Variants in KIAA0408 observed in about 807,000 individuals in gnomAD.
The protein encoded by KIAA0408 is KIAA0408, also known as uncharacterized protein KIAA0408.
Under a neutral mutation model 60.9 loss-of-function variants are expected in KIAA0408, and 51 were observed. That is an observed-to-expected ratio of 0.84 (90% CI 0.67 to 1.06). The LOEUF is 1.06. Ranked by LOEUF, KIAA0408 falls within the 50% of genes least tolerant of loss-of-function variation. KIAA0408 has a pLI of 0.00. For missense variants in KIAA0408, 787 were observed against 833.9 expected (o/e 0.94, Z 0.69); for synonymous variants, 304 against 282.4 (o/e 1.08, Z -0.77).
intron 5 of KIAA0408, among the ~76,000 whole-genome samples, chr6:127,444,935 C>A (rs1773164379): frequency 6.7e-6 from 1 of 149,364 alleles, no homozygotes. Context: ...TTCCTTCTTT[C>A]CTTTTATTTT....
chr6:127,452,375 C>G (rs1343733282), intron 2 of KIAA0408, among the ~76,000 whole-genome samples: 1 of 152,052 alleles, frequency 6.6e-6, no homozygotes, highest in African/African-American at 2.4e-5. Flanking sequence ...AACAGCAGTA[C>G]AGCTACTCTC....
rs1396993520 is a variant in KIAA0408, at chr6:127,446,711, C to T, written c.1608G>A (p.Met536Ile). ...TCGGTCTCCAGTCATGCTCGTGGAG[C>T]ATATTTCGATAACTGCGAGGACTTA... ...GHLSPRSYRN[M>I]LHEHDWRPSN... Residue 536 changes from methionine (M) to isoleucine (I), a missense_variant, in exon 5 of 6, where the codon ATG becomes ATA. Coordinates refer to ENST00000483725, the MANE Select transcript of KIAA0408 (RefSeq NM_014702.5). 1.2e-6 allele frequency: 2 copies of T among 1,613,930 alleles called. No homozygotes were observed. Among genetic ancestry groups the T allele is most frequent in the South Asian group, 1.1e-5 (1 of 91,050 alleles).
chr6:127,453,084 T>C (rs1773329781), intron 2 of KIAA0408, among the ~76,000 whole-genome samples: 1 of 152,092 alleles, frequency 6.6e-6, no homozygotes, highest in Non-Finnish European at 1.5e-5. Flanking sequence ...ATAACAACTT[T>C]GGTAATGTGC....
intron 1 of KIAA0408, 183 bp from the exon 2 acceptor site, chr6:127,454,284 C>A: frequency 2.1e-6 from 1 of 475,900 alleles, no homozygotes; most frequent in Non-Finnish European, 2.9e-6. Context: ...AAGTATTGTC[C>A]AAAGTTTTTT....
chr6:127,451,366 A>AG, intron 2 of KIAA0408: 1 of 453,386 alleles, frequency 2.2e-6, no homozygotes, highest in Non-Finnish European at 4.4e-6. Context: ...CAAATGTATT[A>AG]GTATTTATTG....
At chr6:127,446,282 T>G in intron 5 of KIAA0408, 126 bp downstream of exon 5, 1 of 1,462,722 alleles carries the variant, frequency 6.8e-7, no homozygotes, top group Non-Finnish European at 9.1e-7. Context: ...ACAAACAGGG[T>G]CAAGAGGCTA....
At chr6:127,452,779 TCC>T (rs1461071788) in intron 2 of KIAA0408, among the ~76,000 whole-genome samples, 2 of 152,044 alleles carry the variant, frequency 1.3e-5, no homozygotes, top group Non-Finnish European at 2.9e-5. Context: ...TCTTTGTTGA[TCC>T]AATCCGAGTA....
Position 127,450,083 on chromosome 6 carries a change from A to G in KIAA0408, c.405T>C (p.Pro135=), listed in dbSNP as rs750061021. 2.5e-6 allele frequency: 4 copies of G among 1,614,020 alleles called. No individual in the cohort carries two copies. Among genetic ancestry groups the G allele is most frequent in the Non-Finnish European group, 3.4e-6 (4 of 1,179,998 alleles). The change falls in exon 3 of 6, where the codon CCT becomes CCC. Residue 135 remains proline (P), a synonymous_variant. Transcript: ENST00000483725. ...TKKSKVGFLD[P]LATDNQKECE... ...ATTCCTTTTGGTTGTCTGTAGCCAA[A>G]GGATCCAAAAACCCTACTTTTGATT...
chr6:127,458,832 T>G (rs1183121097), intron 1 of KIAA0408, among the ~76,000 whole-genome samples: 1 of 152,214 alleles, frequency 6.6e-6, no homozygotes, highest in East Asian at 1.9e-4. Context: ...AAAAATCACA[T>G]TTGAATAAAT....
rs1773072109 is a variant in KIAA0408 at position 127,439,603 on chromosome 6, A to G, written c.*4506T>C. On this transcript the variant is annotated 3_prime_UTR_variant, in exon 6 of 6. Transcript: ENST00000483725. ...AATGAACAAAACAAAAATGAAAAAG[A>G]GCTGTTCAATCTTTTTTTTTTTTTG... 1 of 136,738 alleles carries G rather than the reference A, an allele frequency of 7.3e-6. No homozygotes were observed. The highest frequency in any genetic ancestry group is 2.3e-4 in the South Asian group (1 of 4,316). The allele number at this position is 136,738 out of a possible 1,614,324, so 8.5% of individuals were successfully genotyped here.
intron 1 of KIAA0408, among the ~76,000 whole-genome samples, chr6:127,458,112 G>A (rs1450556755): frequency 2.6e-5 from 4 of 152,078 alleles, no homozygotes; most frequent in Non-Finnish European, 4.4e-5. Flanking sequence ...GACTCATTTG[G>A]CCTGAAGATG....
Position 127,441,092 on chromosome 6 carries a change from G to A in KIAA0408, c.*3017C>T, listed in dbSNP as rs1265904157. On this transcript the variant is annotated 3_prime_UTR_variant, in exon 6 of 6. Transcript: ENST00000483725. ...TTGATAGCTTCTAATGGCTGAAGGA[G>A]ATTTCAATATCAAGTAGTTGTTTGT... The A allele has an allele frequency of 1.3e-5, 2 of 152,162 alleles. No homozygotes were observed. Among genetic ancestry groups the A allele is most frequent in the African/African-American group, 4.8e-5 (2 of 41,452 alleles). 9.4% of individuals were successfully genotyped at this position (152,162 alleles called of 1,614,324 possible).
chr6:127,451,329 A>T, intron 2 of KIAA0408: 1 of 455,880 alleles, frequency 2.2e-6, no homozygotes, highest in Non-Finnish European at 4.4e-6. Context: ...TGAAAAATAT[A>T]CAGTGTATTT....
At chr6:127,454,673 T>TA (rs1465388420) in intron 1 of KIAA0408, among the ~76,000 whole-genome samples, 1 of 152,070 alleles carries the variant, frequency 6.6e-6, no homozygotes, top group Non-Finnish European at 1.5e-5. Flanking sequence ...ATCTAAATTA[T>TA]AAAAAATATA....
intron 5 of KIAA0408, among the ~76,000 whole-genome samples, chr6:127,445,652 A>G (rs1193496617): frequency 6.6e-6 from 1 of 152,208 alleles, no homozygotes; most frequent in Non-Finnish European, 1.5e-5. Context: ...TAAAAATTAT[A>G]TGAGTAAAAG....
At position 127,438,771 on chromosome 6, in the gene KIAA0408, A is replaced by G. The variant is rs1262833326; in HGVS notation, c.*5338T>C. ...TATAATCTTATCATCATATATGTGC[A>G]TTGAACTGGTTTGTGCAGCATGTGA... On this transcript the variant is annotated 3_prime_UTR_variant, in exon 6 of 6. Transcript: ENST00000483725. The G allele has an allele frequency of 1.3e-5, 2 of 152,226 alleles. No individual in the cohort carries two copies. The highest frequency in any genetic ancestry group is 2.9e-5 in the Non-Finnish European group (2 of 68,036). 9.4% of individuals were successfully genotyped at this position (152,226 alleles called of 1,614,324 possible).
rs1483652510 is a variant in KIAA0408, at chr6:127,439,687, G to A, written c.*4422C>T. The stretch of plus-strand genomic sequence containing the variant: ...ATAGCCTGAGCTAGGAGTCTGAAGA[G>A]CCATCTATTTAACTATCATCTTCAA... On this transcript the variant is annotated 3_prime_UTR_variant, in exon 6 of 6. Transcript: ENST00000483725. The A allele has an allele frequency of 6.6e-6, 1 of 151,710 alleles. No individual in the cohort carries two copies. The highest frequency in any genetic ancestry group is 6.6e-5 in the Admixed American group (1 of 15,224). 9.4% of individuals were successfully genotyped at this position (151,710 alleles called of 1,614,324 possible).
rs1223609784 is a variant in KIAA0408 at position 127,450,248 on chromosome 6, A to G, written c.240T>C (p.Ser80=). 4 of 1,613,980 alleles carry G rather than the reference A, an allele frequency of 2.5e-6. No individual in the cohort carries two copies. Among genetic ancestry groups the G allele is most frequent in the Non-Finnish European group, 3.4e-6 (4 of 1,179,974 alleles). The change falls in exon 3 of 6, where the codon TCT becomes TCC. Residue 80 remains serine, a synonymous_variant. Coordinates refer to ENST00000483725, the MANE Select transcript of KIAA0408 (RefSeq NM_014702.5). The part of the protein sequence containing the change: ...EKTIPEKVIE[S]SPNYPDLGQS... ...GTCCTAAATCGGGGTAATTTGGGGAAGATTCTATCACTTTCTCTGGAATGG... is the reference window on the plus strand; with the variant it reads ...GTCCTAAATCGGGGTAATTTGGGGAGGATTCTATCACTTTCTCTGGAATGG...
chr6:127,439,629 T>C lies in KIAA0408; in HGVS notation c.*4480A>G, dbSNP rs905392410. ...GCTGTTCAATCTTTTTTTTTTTTTG[T>C]CTTCTCTTCCTTGGGAAAAGAAGGC... On this transcript the variant is annotated 3_prime_UTR_variant, in exon 6 of 6. Transcript: ENST00000483725. 3.6e-4 allele frequency: 52 copies of C among 145,792 alleles called. No individual in the cohort carries two copies. The highest frequency in any genetic ancestry group is 2.4e-3 in the Admixed American group (36 of 14,790). The allele number at this position is 145,792 out of a possible 1,614,324, so 9.0% of individuals were successfully genotyped here. A position where few individuals can be genotyped will look rare whatever the true frequency, so the allele number is the denominator to read the frequency against.
Sources: allele counts gnomAD v4.1 joint callset (sites outside exome capture counted in the v4.1 genomes callset), GRCh38; gene constraint gnomAD v4.1.1; transcripts MANE v1.5; gene names NCBI Gene and HGNC (gene_info 2026-07-23, HGNC 2026-07-21).